Variants in WDHD1 observed in about 807,000 individuals in gnomAD.
The protein encoded by WDHD1 is WD repeat and HMG-box DNA-binding protein 1.
A neutral mutation model predicts 135.4 loss-of-function variants in WDHD1; 111 were observed. That is an observed-to-expected ratio of 0.82 (90% CI 0.70 to 0.96). The LOEUF is 0.96. Among genes scored for constraint, WDHD1 ranks in the 40% least tolerant of loss-of-function variants. The pLI, the probability that WDHD1 is intolerant of heterozygous loss-of-function variation, is 0.00. For missense variants in WDHD1, 1,351 were observed against 1,336.3 expected (o/e 1.01, Z -0.17); for synonymous variants, 434 against 439.0 (o/e 0.99, Z 0.14).
rs997338192 is a variant in WDHD1 at position 54,963,012 on chromosome 14, G to A, written c.2471C>T (p.Thr824Ile). 6.2e-7 allele frequency: 1 copy of A among 1,613,626 alleles called. No homozygotes were observed. Among genetic ancestry groups the A allele is most frequent in the Non-Finnish European group, 8.5e-7 (1 of 1,179,912 alleles). ...TTCTTCCTCTTCCACCTGGGTTGCT[G>A]TCAATTCGGCTGCCTTCTCTACAGC... ...ELAVEKAAEL[T>I]ATQVEEEEEE... Residue 824 changes from threonine to isoleucine, a missense_variant, in exon 19 of 26, where the codon ACA becomes ATA. By Grantham distance (89) the Thr-to-Ile change is moderately conservative (BLOSUM62 -1). Around this residue, in one of 2 missense-constraint regions of WDHD1, gnomAD observed 1,330 missense variants for 1,296.1 expected, o/e 1.03. Transcript: ENST00000360586.
In WDHD1 at chr14:54,939,289, G is replaced by C. The variant is rs1372608940; in HGVS notation, c.*2201C>G. On this transcript the variant is annotated 3_prime_UTR_variant, in exon 26 of 26. Transcript: ENST00000360586. The stretch of plus-strand genomic sequence containing the variant: ...TGTCCAAAGGGACTACCTGGCATCT[G>C]TTCCATGTTAGTGACAGTGACTCAC... 6.6e-6 allele frequency: 1 copy of C among 152,192 alleles called. No individual in the cohort carries two copies. The highest frequency in any genetic ancestry group is 2.4e-5 in the African/African-American group (1 of 41,436). 9.4% of individuals were successfully genotyped at this position (152,192 alleles called of 1,614,324 possible). A position where few individuals can be genotyped will look rare whatever the true frequency, so the allele number is the denominator to read the frequency against.
intron 16 of WDHD1, among the ~76,000 whole-genome samples, chr14:54,977,044 T>C (rs952098258): frequency 3.9e-5 from 6 of 152,094 alleles, no homozygotes; most frequent in Admixed American, 2.6e-4. Flanking sequence ...ACTTATCAGC[T>C]AACTCCCTTT....
At chr14:55,011,559 A>G (rs2042171008) in intron 3 of WDHD1, among the ~76,000 whole-genome samples, 2 of 141,702 alleles carry the variant, frequency 1.4e-5, no homozygotes, top group Admixed American at 7.2e-5. Context: ...AAGTATCCTG[A>G]GCAGAGGGTG....
rs1182897368 is a variant in WDHD1 at position 54,938,997 on chromosome 14, G to A, written c.*2493C>T. On this transcript the variant is annotated 3_prime_UTR_variant, in exon 26 of 26. Transcript: ENST00000360586. ...CTTAGGGTACATGCTGGGAACTGAG[G>A]GATGAAGTATATGCATATTCCAAAT... 6.6e-6 allele frequency: 1 copy of A among 151,982 alleles called. No individual in the cohort carries two copies. The highest frequency in any genetic ancestry group is 1.5e-5 in the Non-Finnish European group (1 of 68,020). 9.4% of individuals were successfully genotyped at this position (151,982 alleles called of 1,614,324 possible).
chr14:54,952,300 G>T (rs200209739), intron 24 of WDHD1, among the ~76,000 whole-genome samples: 1 of 152,168 alleles, frequency 6.6e-6, no homozygotes, highest in East Asian at 1.9e-4. Context: ...AAAGTCTCAG[G>T]ATACAAAATC....
At position 54,957,176 on chromosome 14, in the gene WDHD1, ATGGCTGGTTCTTTGGAAC is replaced by A. The variant is rs2041174113; in HGVS notation, c.2756_2773del (p.Ser919_Ala924del). Reference sequence around the variant, plus strand: ...AGTTGAACGTGCTGAATTCATTGACATGGCTGGTTCTTTGGAACTGGCTGATACCTAAAGAGCAAACTA... The same window carrying A: ...AGTTGAACGTGCTGAATTCATTGACATGGCTGATACCTAAAGAGCAAACTA... On this transcript the variant is annotated inframe_deletion, in exon 23 of 26. Coordinates refer to ENST00000360586, the MANE Select transcript of WDHD1 (RefSeq NM_007086.4). The A allele has an allele frequency of 1.2e-6, 2 of 1,613,962 alleles. No homozygotes were observed. Among genetic ancestry groups the A allele is most frequent in the Non-Finnish European group, 1.7e-6 (2 of 1,179,968 alleles).
chr14:54,954,565 A>T (rs2041119786), intron 24 of WDHD1, among the ~76,000 whole-genome samples: 1 of 152,218 alleles, frequency 6.6e-6, no homozygotes, highest in African/African-American at 2.4e-5. Context: ...TGTACTAGCA[A>T]AAGACCGGTA....
chr14:54,984,900 T>A lies in WDHD1; in HGVS notation c.1769-40A>T, dbSNP rs1595093256. 24 of 1,600,626 alleles carry A rather than the reference T, an allele frequency of 1.5e-5. No homozygotes were observed. In the East Asian group the frequency reaches 5.4e-4, roughly 36 times the overall value. ...TAAATATAAATCAGGCATCAAAGGT[T>A]ATCCAACTATAACGCAGTCTAAATT... On this transcript the variant is annotated intron_variant, in intron 14 of 25. Coordinates refer to ENST00000360586, the MANE Select transcript of WDHD1 (RefSeq NM_007086.4).
chr14:55,007,080 T>G (rs1373322399), intron 7 of WDHD1, among the ~76,000 whole-genome samples, 200 bp downstream of exon 7: 1 of 151,704 alleles, frequency 6.6e-6, no homozygotes, highest in African/African-American at 2.4e-5. Flanking sequence ...TACAAAAAAT[T>G]AGCTGGGCAT....
chr14:54,962,957 A>T lies in WDHD1; in HGVS notation c.2526T>A (p.Asn842Lys), dbSNP rs745370099. The T allele has an allele frequency of 5.0e-6, 8 of 1,613,814 alleles. No homozygotes were observed. The highest frequency in any genetic ancestry group is 1.6e-4 in the Middle Eastern group (1 of 6,084). ...ACAACTAAATTATTTCTTACCCAGCATTCAGCTTTTTTCTGAAATCTTCTT... is the reference window on the plus strand; with the variant it reads ...ACAACTAAATTATTTCTTACCCAGCTTTCAGCTTTTTTCTGAAATCTTCTT... ...EEEEDFRKKL[N>K]AGYSNTATEW... The change falls in exon 19 of 26, where the codon AAT (asparagine) becomes AAA (lysine). Residue 842 changes from asparagine to lysine, a missense_variant. By Grantham distance (94) the Asn-to-Lys change is moderately conservative. Around this residue, in one of 2 missense-constraint regions of WDHD1, gnomAD observed 1,330 missense variants for 1,296.1 expected, o/e 1.03. Transcript: ENST00000360586.
chr14:55,015,977 G>A (rs958573099), intron 2 of WDHD1, among the ~76,000 whole-genome samples: 1 of 152,220 alleles, frequency 6.6e-6, no homozygotes, highest in African/African-American at 2.4e-5. Context: ...GGGATTATAG[G>A]CATGAGCCAC....
Position 55,027,068 on chromosome 14 carries a change from T to C in WDHD1, c.-57A>G, listed in dbSNP as rs2140238795. ...TCCGCCACTGAGGATCCACAAGAGC[T>C]GCTTCCCGCGCTTCGGCTCGCTCAC... On this transcript the variant is annotated 5_prime_UTR_variant, in exon 1 of 26. Transcript: ENST00000360586. 2.4e-6 allele frequency: 1 copy of C among 420,368 alleles called. No individual in the cohort carries two copies. 26.0% of individuals were successfully genotyped at this position (420,368 alleles called of 1,614,324 possible).
chr14:54,965,994 A>C (rs1200564944), intron 18 of WDHD1, among the ~76,000 whole-genome samples: 1 of 151,214 alleles, frequency 6.6e-6, no homozygotes, highest in African/African-American at 2.4e-5. Context: ...TGCAAGACCA[A>C]CTAGAAGATA....
intron 8 of WDHD1, 29 bp from the exon 9 acceptor site, chr14:55,001,021 G>C (rs2041972492): frequency 7.3e-7 from 1 of 1,374,418 alleles, no homozygotes; most frequent in Non-Finnish European, 9.8e-7. Flanking sequence ...AATAAATAAT[G>C]ATTTTGTAAA....
At chr14:54,957,379 C>A (rs749002719) in intron 22 of WDHD1, among the ~76,000 whole-genome samples, 175 bp from the exon 23 acceptor site, 3 of 152,142 alleles carry the variant, frequency 2.0e-5, no homozygotes, top group Non-Finnish European at 4.4e-5. Context: ...AATACCACAT[C>A]CCCAAGAAAG....
chr14:54,950,906 A>G (rs1228839766), intron 24 of WDHD1, among the ~76,000 whole-genome samples: 2 of 152,252 alleles, frequency 1.3e-5, no homozygotes, highest in Non-Finnish European at 2.9e-5. Context: ...TACTGGGTAC[A>G]TAACGAAATG....
chr14:55,000,857 G>C, intron 9 of WDHD1, 29 bp downstream of exon 9: 1 of 1,452,808 alleles, frequency 6.9e-7, no homozygotes, highest in Non-Finnish European at 9.2e-7. Context: ...GATGAGCAAA[G>C]AAGAGACAAA....
chr14:55,013,465 G>C lies in WDHD1; in HGVS notation c.189+20C>G, dbSNP rs1332200921. On this transcript the variant is annotated intron_variant, in intron 3 of 25. Transcript: ENST00000360586. ...ATGCCAGTATCATTTCATATCAATT[G>C]ATATAACTGTTTTTACTACCTTCAA... 2 of 1,526,414 alleles carry C rather than the reference G, an allele frequency of 1.3e-6. No homozygotes were observed. The highest frequency in any genetic ancestry group is 4.5e-5 in the East Asian group (2 of 44,402). The allele number at this position is 1,526,414 out of a possible 1,614,324, so 94.6% of individuals were successfully genotyped here. A position where few individuals can be genotyped will look rare whatever the true frequency, so the allele number is the denominator to read the frequency against.
At chr14:54,950,591 G>A (rs1025083229) in intron 24 of WDHD1, among the ~76,000 whole-genome samples, 7 of 152,048 alleles carry the variant, frequency 4.6e-5, no homozygotes, top group African/African-American at 1.4e-4. Flanking sequence ...ACAGATCAAC[G>A]AGACAAAGTT....
Sources: allele counts gnomAD v4.1 joint callset (sites outside exome capture counted in the v4.1 genomes callset), GRCh38; gene constraint gnomAD v4.1.1; regional missense constraint gnomAD v4.1.1; transcripts MANE v1.5; gene names NCBI Gene and HGNC (gene_info 2026-07-23, HGNC 2026-07-21).